The following TENM2 variants were observed in gnomAD, a reference collection of about 807,000 sequenced individuals.
TENM2 encodes the protein teneurin-2.
A neutral mutation model predicts 245.2 loss-of-function variants in TENM2; 52 were observed. That is an observed-to-expected ratio of 0.21 (90% CI 0.17 to 0.27). TENM2 has a LOEUF of 0.27. Ranked by LOEUF, TENM2 falls within the 10% of genes least tolerant of loss-of-function variation. The pLI, the probability that TENM2 is intolerant of heterozygous loss-of-function variation, is 1.00. For synonymous variants in TENM2, 1,363 were observed against 1,438.9 expected, an observed-to-expected ratio of 0.95 and a Z score of 1.19; for missense variants, 3,046 against 3,666.8, an observed-to-expected ratio of 0.83 and a Z score of 4.37.
chr5:167,182,832 G>C, the TENM2 span, among the ~76,000 whole-genome samples: 7 of 152,038 alleles, frequency 4.6e-5, no homozygotes, highest in Non-Finnish European at 1.0e-4. Flanking sequence ...GTGCTCTTTT[G>C]AGTTCAAAAT....
At chr5:167,022,060 G>A in the TENM2 span, among the ~76,000 whole-genome samples, 4 of 152,106 alleles carry the variant, frequency 2.6e-5, no homozygotes, top group African/African-American at 9.7e-5. Flanking sequence ...ATGGGTTTAT[G>A]TTCTTCAACA....
intron 2 of TENM2, among the ~76,000 whole-genome samples, chr5:167,733,321 G>C (rs1355368622): frequency 2.6e-5 from 4 of 152,186 alleles, no homozygotes; most frequent in Non-Finnish European, 1.5e-5. Flanking sequence ...AACAGGCACT[G>C]AGGGCCTGAG....
chr5:167,031,501 A>G, the TENM2 span, among the ~76,000 whole-genome samples: 1 of 152,206 alleles, frequency 6.6e-6, no homozygotes, highest in Non-Finnish European at 1.5e-5. Flanking sequence ...AACAAGAGCA[A>G]AATGAATGGC....
At chr5:166,982,792 G>T in the TENM2 span, among the ~76,000 whole-genome samples, 155 of 116,456 alleles carry the variant, frequency 1.3e-3, 2 homozygotes, top group Admixed American at 7.8e-3. Flanking sequence ...TGTTTTTTTT[G>T]GGGGGGGGAG....
intron 3 of TENM2, among the ~76,000 whole-genome samples, chr5:167,927,450 G>A (rs1017960553): frequency 7.2e-5 from 11 of 152,090 alleles, no homozygotes; most frequent in East Asian, 3.9e-4. Context: ...GTAATGCAGC[G>A]GTGCTAATGT....
At chr5:167,387,467 G>A (rs984286886) in intron 2 of TENM2, among the ~76,000 whole-genome samples, 1 of 152,110 alleles carries the variant, frequency 6.6e-6, no homozygotes, top group Admixed American at 6.5e-5. Context: ...TCAGCAAACA[G>A]TGATGGTTTG....
chr5:167,598,597 C>T (rs1300260119), intron 2 of TENM2, among the ~76,000 whole-genome samples: 1 of 152,102 alleles, frequency 6.6e-6, no homozygotes, highest in Non-Finnish European at 1.5e-5. Context: ...AAAATGAAAA[C>T]CGTCATGAAA....
At chr5:167,502,667 A>G (rs113663843) in intron 2 of TENM2, among the ~76,000 whole-genome samples, 277 of 152,332 alleles carry the variant, frequency 1.8e-3, no homozygotes, top group African/African-American at 6.4e-3. Flanking sequence ...GTCTAAGAAT[A>G]TCAGGTTAGA....
At chr5:167,614,429 G>A (rs899934103) in intron 2 of TENM2, among the ~76,000 whole-genome samples, 14 of 152,044 alleles carry the variant, frequency 9.2e-5, no homozygotes, top group Non-Finnish European at 1.9e-4. Flanking sequence ...TGAGGTGGTA[G>A]TAATATACGA....
rs115898928 is a variant in TENM2 at position 167,864,817 on chromosome 5, T to C, written c.503-11169T>C. Among the ~76,000 whole-genome samples the C allele has an allele frequency of 1.7e-3, 264 of 152,228 alleles. 1 individual carries two copies. The highest frequency in any genetic ancestry group is 3.4e-3 in the Middle Eastern group (1 of 294). ...TTGTGTCAGATTAAATACAATAATA[T>C]ATGTAAAGGGCTTGGAAATAATACC... On this transcript the variant is annotated intron_variant, in intron 2 of 28. Coordinates refer to ENST00000518659, the Ensembl canonical transcript of TENM2.
intron 3 of TENM2, among the ~76,000 whole-genome samples, chr5:167,922,318 C>T (rs543061864): frequency 6.6e-6 from 1 of 152,266 alleles, no homozygotes; most frequent in South Asian, 2.1e-4. Context: ...ACTTCATCAT[C>T]AGTAGCTGGG....
intron 2 of TENM2, among the ~76,000 whole-genome samples, chr5:167,747,575 C>T (rs530279793): frequency 3.5e-4 from 53 of 152,258 alleles, no homozygotes; most frequent in African/African-American, 1.1e-3. Context: ...TGCCACATTT[C>T]GGTAACATTG....
At chr5:167,970,917 G>A (rs763715761) in intron 4 of TENM2, among the ~76,000 whole-genome samples, 12 of 151,598 alleles carry the variant, frequency 7.9e-5, no homozygotes, top group Non-Finnish European at 1.5e-4. Flanking sequence ...TGGTGGCACT[G>A]GGGTGGGCTG....
At chr5:168,114,016 G>A (rs868778791) in intron 9 of TENM2, among the ~76,000 whole-genome samples, 1 of 152,164 alleles carries the variant, frequency 6.6e-6, no homozygotes, top group Non-Finnish European at 1.5e-5. Flanking sequence ...TTTGACATAC[G>A]TCTGGTGATT....
intron 13 of TENM2, among the ~76,000 whole-genome samples, chr5:168,164,416 T>G (rs903248771): frequency 6.6e-6 from 1 of 152,096 alleles, no homozygotes; most frequent in African/African-American, 2.4e-5. Context: ...TTTGTACCCC[T>G]TAACCCACAC....
At chr5:167,877,431 T>C (rs1386378351) in intron 3 of TENM2, among the ~76,000 whole-genome samples, 2 of 152,240 alleles carry the variant, frequency 1.3e-5, no homozygotes, top group Non-Finnish European at 2.9e-5. Context: ...TCTCATCAGA[T>C]GAGCAATCCA....
chr5:167,144,316 G>A, the TENM2 span, among the ~76,000 whole-genome samples: 9 of 152,158 alleles, frequency 5.9e-5, no homozygotes, highest in Admixed American at 5.9e-4. Flanking sequence ...TGCCACAGGT[G>A]GCAATGAATT....
intron 8 of TENM2, among the ~76,000 whole-genome samples, 159 bp downstream of exon 10, chr5:168,090,928 GCT>G (rs1792887863): frequency 6.6e-6 from 1 of 152,140 alleles, no homozygotes; most frequent in African/African-American, 2.4e-5. Context: ...CCTGAAACTA[GCT>G]CTGATTAAAT....
In TENM2 at chr5:168,208,488, G is replaced by A. The variant is rs541815702; in HGVS notation, c.3825-3246G>A. On this transcript the variant is annotated intron_variant, in intron 19 of 28. Transcript: ENST00000518659. ...GTGGGAGCCTGGGAAGGCGGGCAAA[G>A]CCAGCAGACATTGGAAGGAAGCGTC... Among the ~76,000 whole-genome samples, 9 of 152,324 alleles carry A rather than the reference G, an allele frequency of 5.9e-5. No homozygotes were observed. The South Asian group carries it at 1.9e-3, about 32-fold the overall frequency.
Sources: allele counts gnomAD v4.1 joint callset (sites outside exome capture counted in the v4.1 genomes callset), GRCh38; gene constraint gnomAD v4.1.1; transcripts MANE v1.5; gene names NCBI Gene and HGNC (gene_info 2026-07-23, HGNC 2026-07-21).